Variants in IGF1R observed in about 807,000 individuals in gnomAD.
The protein encoded by IGF1R is insulin-like growth factor 1 receptor.
In IGF1R, 44 loss-of-function variants were observed where a neutral mutation model predicts 144.6. That is an observed-to-expected ratio of 0.30 (90% confidence interval 0.24 to 0.39). The LOEUF (loss-of-function observed/expected upper bound fraction) is 0.39, where lower values mean the gene tolerates loss of function less well. Ranked by LOEUF, IGF1R falls within the 10% of genes least tolerant of loss-of-function variation. IGF1R has a pLI of 1.00. For synonymous variants in IGF1R, 795 were observed against 722.8 expected (o/e 1.10, Z -1.60); for missense variants, 1,355 against 1,833.7 (o/e 0.74, Z 4.77).
At position 98,959,498 on chromosome 15, in the gene IGF1R, C is replaced by G. The variant is rs187140703; in HGVS notation, c.*2056C>G. 2.6e-5 allele frequency: 6 copies of G among 233,668 alleles called. 1 individual carries two copies. The highest frequency in any genetic ancestry group is 1.3e-4 in the African/African-American group (6 of 45,462). The allele number at this position is 233,668 out of a possible 1,614,324, so 14.5% of individuals were successfully genotyped here. A position where few individuals can be genotyped will look rare whatever the true frequency, so the allele number is the denominator to read the frequency against. ...AGGGCGGCACCCTCAGGGCTGTGCC[C>G]GCTGGAGTGCTAGGTGGAGGCAGCA... On this transcript the variant is annotated 3_prime_UTR_variant, in exon 21 of 21. Coordinates refer to ENST00000650285, the MANE Select transcript of IGF1R (RefSeq NM_000875.5).
intron 2 of IGF1R, among the ~76,000 whole-genome samples, chr15:98,716,342 A>G (rs1204122629): frequency 6.6e-6 from 1 of 151,924 alleles, no homozygotes; most frequent in Non-Finnish European, 1.5e-5. Context: ...CTCCTCTTTG[A>G]TCCTAGTACA....
intron 2 of IGF1R, among the ~76,000 whole-genome samples, chr15:98,832,357 C>T (rs1466922147): frequency 6.6e-6 from 1 of 152,126 alleles, no homozygotes; most frequent in Non-Finnish European, 1.5e-5. Context: ...ACAGGGTCCC[C>T]AGCATATTCC....
chr15:98,904,996 C>A (rs1053935712), intron 5 of IGF1R, among the ~76,000 whole-genome samples: 2 of 152,218 alleles, frequency 1.3e-5, no homozygotes, highest in Non-Finnish European at 2.9e-5. Context: ...GCCAGAAAAG[C>A]AGGGAAGGCA....
At chr15:98,948,747 T>C (rs527810837) in intron 20 of IGF1R, 39 bp downstream of exon 20, 2 of 1,608,200 alleles carry the variant, frequency 1.2e-6, no homozygotes, top group East Asian at 4.5e-5. Context: ...TTCTGAGTTC[T>C]CTTCTCAAAT....
intron 2 of IGF1R, among the ~76,000 whole-genome samples, chr15:98,793,767 T>G (rs1001928520): frequency 6.6e-6 from 1 of 152,230 alleles, no homozygotes; most frequent in Non-Finnish European, 1.5e-5. Context: ...CCCAGAGGTC[T>G]GCAGGAAAAA....
chr15:98,878,735 A>G (rs2013210294), intron 2 of IGF1R, among the ~76,000 whole-genome samples: 2 of 150,876 alleles, frequency 1.3e-5, no homozygotes, highest in South Asian at 2.1e-4. Context: ...GCTCAGACCT[A>G]TAATCCCAGC....
intron 1 of IGF1R, among the ~76,000 whole-genome samples, chr15:98,690,648 T>G (rs976806015): frequency 8.5e-5 from 13 of 152,346 alleles, no homozygotes; most frequent in Admixed American, 6.5e-4. Flanking sequence ...TTATGGAAAT[T>G]AGAACAATAC....
chr15:98,898,352 A>G (rs2014307239), intron 4 of IGF1R, among the ~76,000 whole-genome samples: 1 of 152,264 alleles, frequency 6.6e-6, no homozygotes, highest in African/African-American at 2.4e-5. Flanking sequence ...ATATTGATGC[A>G]TGATGATGAA....
At chr15:98,868,021 C>T (rs1013073956) in intron 2 of IGF1R, among the ~76,000 whole-genome samples, 1 of 152,040 alleles carries the variant, frequency 6.6e-6, no homozygotes, top group Admixed American at 6.5e-5. Flanking sequence ...GCCAACGTGA[C>T]GAAACCCCGT....
At position 98,958,888 on chromosome 15, in the gene IGF1R, TG is replaced by T. The variant is rs2017116926; in HGVS notation, c.*1448del. Reference sequence around the variant, plus strand: ...TATCACATAATTTGCCATGAACTGTTGGATGCCTTTTTATAAATACATCCCC... The same window carrying T: ...TATCACATAATTTGCCATGAACTGTTGATGCCTTTTTATAAATACATCCCC... On this transcript the variant is annotated 3_prime_UTR_variant, in exon 21 of 21. Transcript: ENST00000650285. 4.3e-6 allele frequency: 1 copy of T among 233,618 alleles called. No individual in the cohort carries two copies. Among genetic ancestry groups the T allele is most frequent in the Non-Finnish European group, 8.5e-6 (1 of 118,018 alleles). The allele number at this position is 233,618 out of a possible 1,614,324, so 14.5% of individuals were successfully genotyped here.
At chr15:98,953,656 T>C (rs933497759) in intron 20 of IGF1R, among the ~76,000 whole-genome samples, 11 of 152,128 alleles carry the variant, frequency 7.2e-5, no homozygotes, top group Admixed American at 7.2e-4. Flanking sequence ...TGCTAACACT[T>C]CCACAGCTCC....
At chr15:98,778,956 T>C (rs1274316977) in intron 2 of IGF1R, among the ~76,000 whole-genome samples, 6 of 152,228 alleles carry the variant, frequency 3.9e-5, no homozygotes, top group Non-Finnish European at 7.3e-5. Context: ...TGAATAGATA[T>C]CCATGAAAAG....
chr15:98,857,027 T>C (rs1328394388), intron 2 of IGF1R, among the ~76,000 whole-genome samples: 1 of 152,158 alleles, frequency 6.6e-6, no homozygotes, highest in African/African-American at 2.4e-5. Context: ...TTTTTTTTTT[T>C]TAAGGAAGAA....
At chr15:98,838,695 C>G (rs1402707882) in intron 2 of IGF1R, among the ~76,000 whole-genome samples, 2 of 152,296 alleles carry the variant, frequency 1.3e-5, no homozygotes, top group African/African-American at 4.8e-5. Flanking sequence ...ATCCCAGTTC[C>G]CAGAGCATCC....
intron 2 of IGF1R, among the ~76,000 whole-genome samples, chr15:98,745,093 G>A (rs2054831997): frequency 6.6e-6 from 1 of 152,202 alleles, no homozygotes; most frequent in Admixed American, 6.5e-5. Flanking sequence ...GGTTGCATTT[G>A]TTTGAATGGT....
chr15:98,928,482 C>A (rs1371930383), intron 13 of IGF1R, among the ~76,000 whole-genome samples: 1 of 152,232 alleles, frequency 6.6e-6, no homozygotes, highest in African/African-American at 2.4e-5. Flanking sequence ...CTTTCGCTGA[C>A]TCCTTTTAAT....
intron 7 of IGF1R, among the ~76,000 whole-genome samples, chr15:98,912,497 A>G (rs1746523265): frequency 6.6e-6 from 1 of 152,220 alleles, no homozygotes; most frequent in South Asian, 2.1e-4. Context: ...TGATAGTCAC[A>G]CCAGTGCTTT....
intron 2 of IGF1R, among the ~76,000 whole-genome samples, chr15:98,878,846 A>G (rs1378853158): frequency 6.6e-6 from 1 of 152,030 alleles, no homozygotes; most frequent in Non-Finnish European, 1.5e-5. Flanking sequence ...AATACAAAAA[A>G]TTAGCTGGGC....
intron 1 of IGF1R, among the ~76,000 whole-genome samples, chr15:98,656,376 C>A (rs184685827): frequency 6.6e-6 from 1 of 152,300 alleles, no homozygotes; most frequent in African/African-American, 2.4e-5. Context: ...ATGGTGCACC[C>A]CCTTTCTACT....
Sources: gnomAD v4.1 joint callset for allele counts (sites outside exome capture counted in the v4.1 genomes callset) on GRCh38, gnomAD v4.1.1 for gene constraint, MANE v1.5 for transcripts, NCBI Gene and HGNC (gene_info 2026-07-23, HGNC 2026-07-21) for gene names.